The following CHD2 variants were observed in gnomAD, a reference collection of about 807,000 sequenced individuals.
CHD2 encodes ATP-dependent chromatin remodeler CHD2.
CHD2 carries 28 observed loss-of-function variants against 243.9 expected under a neutral mutation model. The ratio of observed to expected loss-of-function variants is 0.11; its 90% CI spans 0.09 to 0.16. CHD2 has a LOEUF of 0.16. Among genes scored for constraint, CHD2 ranks in the 10% least tolerant of loss-of-function variants. CHD2 has a pLI of 1.00. For synonymous variants in CHD2, 775 were observed against 779.0 expected (o/e 0.99, Z 0.09); for missense variants, 1,386 against 2,209.8 (o/e 0.63, Z 7.47).
Position 93,024,402 on chromosome 15 carries a change from C to G in CHD2, c.5184C>G (p.Ser1728=), listed in dbSNP as rs781575273. 6.2e-7 allele frequency: 1 copy of G among 1,613,844 alleles called. No individual in the cohort carries two copies. The highest frequency in any genetic ancestry group is 8.5e-7 in the Non-Finnish European group (1 of 1,179,956). ...ATCATGACTCCAAGCGGAGGAGATC[C>G]GATGAATTTAGGCCTCAAAATTACC... The part of the protein sequence containing the change: ...RHHHDSKRRR[S]DEFRPQNYHQ... The change falls in exon 39 of 39, where the codon TCC becomes TCG. Residue 1728 remains serine (S), a synonymous_variant. Coordinates refer to ENST00000394196, the MANE Select transcript of CHD2 (RefSeq NM_001271.4).
At chr15:92,989,946 T>G (rs779566163) in intron 26 of CHD2, among the ~76,000 whole-genome samples, 13 of 152,220 alleles carry the variant, frequency 8.5e-5, no homozygotes, top group Non-Finnish European at 1.8e-4. Context: ...TTTCAGAGTA[T>G]CTATCCTATG....
At chr15:92,973,171 C>T in intron 19 of CHD2, among the ~76,000 whole-genome samples, 1 of 152,178 alleles carries the variant, frequency 6.6e-6, no homozygotes, top group Non-Finnish European at 1.5e-5. Flanking sequence ...AACACTGCTA[C>T]TTAAAACCTT....
chr15:92,911,265 G>GT (rs2052729526), intron 2 of CHD2, among the ~76,000 whole-genome samples: 1 of 152,146 alleles, frequency 6.6e-6, no homozygotes, highest in African/African-American at 2.4e-5. Flanking sequence ...TGATTGCTTT[G>GT]TATGTGTTAG....
chr15:92,973,122 CA>C (rs2141837187), intron 19 of CHD2, among the ~76,000 whole-genome samples: 1 of 152,226 alleles, frequency 6.6e-6, no homozygotes, highest in African/African-American at 2.4e-5. Flanking sequence ...ACATTCCCCC[CA>C]AAAGTTGACC....
intron 2 of CHD2, among the ~76,000 whole-genome samples, chr15:92,916,173 T>C (rs925283745): frequency 2.0e-5 from 3 of 152,360 alleles, no homozygotes; most frequent in Non-Finnish European, 2.9e-5. Flanking sequence ...CTTACACATA[T>C]TGATGTCTCA....
intron 32 of CHD2, among the ~76,000 whole-genome samples, chr15:93,001,933 G>A (rs1326932455): frequency 4.6e-5 from 7 of 152,158 alleles, no homozygotes; most frequent in South Asian, 4.1e-4. Context: ...ATAAACTTAC[G>A]TTGAAGGGTT....
At chr15:92,908,335 A>G (rs2052660844) in intron 2 of CHD2, among the ~76,000 whole-genome samples, 3 of 152,216 alleles carry the variant, frequency 2.0e-5, no homozygotes, top group Non-Finnish European at 4.4e-5. Context: ...ATAGGACTAT[A>G]TATTTGTCTT....
Position 92,967,471 on chromosome 15 carries a change from T to C in CHD2, c.2147T>C (p.Ile716Thr). 6.2e-7 allele frequency: 1 copy of C among 1,614,024 alleles called. No individual in the cohort carries two copies. The highest frequency in any genetic ancestry group is 8.5e-7 in the Non-Finnish European group (1 of 1,179,958). The change falls in exon 17 of 39, where the codon ATT becomes ACT. Residue 716 changes from isoleucine to threonine, a missense_variant. By Grantham distance (89) the Ile-to-Thr change is moderately conservative. Transcript: ENST00000394196. ...TCCCTTCCTGCTAAAGTGGAACAGA[T>C]TCTCAGGGTGGAGATGTCAGCCCTT... ...EKSLPAKVEQ[I>T]LRVEMSALQK...
intron 20 of CHD2, among the ~76,000 whole-genome samples, chr15:92,977,922 C>G (rs1236706509): frequency 6.6e-6 from 1 of 152,122 alleles, no homozygotes; most frequent in Non-Finnish European, 1.5e-5. Context: ...AATTGTTTGT[C>G]TGTTTTTATT....
At position 92,910,705 on chromosome 15, in the gene CHD2, C is replaced by T. The variant is rs76011733; in HGVS notation, c.62+9406C>T. Among the ~76,000 whole-genome samples, 909 of 152,334 alleles carry T rather than the reference C, an allele frequency of 6.0e-3. 5 individuals are homozygous for T. The highest frequency in any genetic ancestry group is 0.011 in the Non-Finnish European group (725 of 68,030). ...GCCACTGCGCCTGGTCCCTGCCGAG[C>T]ATTTACTACCCATGCCGTTCTGTTC... On this transcript the variant is annotated intron_variant, in intron 2 of 38. Transcript: ENST00000394196.
chr15:92,955,397 GTCT>G, intron 14 of CHD2, 23 bp from the exon 15 acceptor site: 1 of 1,415,730 alleles, frequency 7.1e-7, no homozygotes, highest in Non-Finnish European at 9.6e-7. Flanking sequence ...TAGAAATTAT[GTCT>G]TAATTATGTT....
chr15:93,004,507 C>A, intron 33 of CHD2, 110 bp from the exon 34 acceptor site: 2 of 1,036,666 alleles, frequency 1.9e-6, no homozygotes, highest in Non-Finnish European at 2.7e-6. Context: ...AAAAAATAAA[C>A]TGAGACCATC....
intron 2 of CHD2, among the ~76,000 whole-genome samples, chr15:92,912,038 G>A (rs1376576185): frequency 6.6e-6 from 1 of 152,180 alleles, no homozygotes; most frequent in Non-Finnish European, 1.5e-5. Context: ...GTAGATGGGA[G>A]GTACTGGAGG....
chr15:92,977,570 GC>G (rs1270795062), intron 20 of CHD2, among the ~76,000 whole-genome samples: 8 of 152,050 alleles, frequency 5.3e-5, no homozygotes, highest in Non-Finnish European at 1.0e-4. Context: ...GCACTCAGAC[GC>G]AGGCAGGTGT....
chr15:92,949,269 AT>A, intron 13 of CHD2, 193 bp downstream of exon 13: 2 of 1,351,578 alleles, frequency 1.5e-6, no homozygotes, highest in Non-Finnish European at 1.9e-6. Flanking sequence ...GTGTAATACC[AT>A]TTTATTCTGA....
At chr15:92,935,932 ATT>A (rs879463429) in intron 5 of CHD2, among the ~76,000 whole-genome samples, 3 of 145,716 alleles carry the variant, frequency 2.1e-5, no homozygotes, top group African/African-American at 2.5e-5. Context: ...TCTTTCATTG[ATT>A]TTTTTTTTTT....
intron 37 of CHD2, among the ~76,000 whole-genome samples, chr15:93,016,088 C>T (rs2054456700): frequency 1.3e-5 from 2 of 151,984 alleles, no homozygotes; most frequent in Admixed American, 6.6e-5. Flanking sequence ...TTACGATAGC[C>T]AAGATACGTA....
chr15:92,978,671 CTATTT>C (rs2053939051), intron 21 of CHD2, among the ~76,000 whole-genome samples: 2 of 152,154 alleles, frequency 1.3e-5, no homozygotes, highest in Non-Finnish European at 2.9e-5. Context: ...AACATTTTCT[CTATTT>C]TAGTATGGAA....
rs1429366001 is a variant in CHD2, at chr15:93,014,227, A to G, written c.4693-469A>G. Among the ~76,000 whole-genome samples, 8 of 152,130 alleles carry G rather than the reference A, an allele frequency of 5.3e-5. 1 individual carries two copies. Among genetic ancestry groups the G allele is most frequent in the Admixed American group, 5.2e-4 (8 of 15,264 alleles). Reference sequence around the variant, plus strand: ...TTATTGTGTGATTTTTTTTATATCAAACATTTGACTTGTGTGATAAGGAGT... The same window carrying G: ...TTATTGTGTGATTTTTTTTATATCAGACATTTGACTTGTGTGATAAGGAGT... On this transcript the variant is annotated intron_variant, in intron 36 of 38. Transcript: ENST00000394196.
Sources: allele counts gnomAD v4.1 joint callset (sites outside exome capture counted in the v4.1 genomes callset), GRCh38; gene constraint gnomAD v4.1.1; transcripts MANE v1.5; gene names NCBI Gene and HGNC (gene_info 2026-07-23, HGNC 2026-07-21).